The following ITGA4 variants were observed in gnomAD, a reference collection of about 807,000 sequenced individuals.
The protein encoded by ITGA4 is integrin alpha-4.
ITGA4 carries 63 observed loss-of-function variants against 133.6 expected under a neutral mutation model. The ratio of observed to expected loss-of-function variants is 0.47; its 90% CI spans 0.38 to 0.58. The LOEUF is 0.58. Ranked by LOEUF, ITGA4 falls within the 20% of genes least tolerant of loss-of-function variation. The probability of loss-of-function intolerance (pLI) is 0.00; values close to 1 mark genes in which losing one functional copy is unlikely to be tolerated. For missense variants in ITGA4, 1,076 were observed against 1,252.7 expected (o/e 0.86, Z 2.13); for synonymous variants, 483 against 438.0 (o/e 1.10, Z -1.28).
Position 181,523,389 on chromosome 2 carries a change from T to G in ITGA4, c.2074-48T>G. 1 of 1,143,596 alleles carries G rather than the reference T, an allele frequency of 8.7e-7. No individual in the cohort carries two copies. Among genetic ancestry groups the G allele is most frequent in the Middle Eastern group, 2.0e-4 (1 of 4,988 alleles). The allele number at this position is 1,143,596 out of a possible 1,614,324, so 70.8% of individuals were successfully genotyped here. ...CCATCCTTAAACATATGTTACAAAC[T>G]TTTTATTTCCTTCCTGTCCAAAACA... On this transcript the variant is annotated intron_variant, in intron 18 of 27. Coordinates refer to ENST00000397033, the MANE Select transcript of ITGA4 (RefSeq NM_000885.6). This position sits in a 1 kb window ranked among gnomAD's most constrained non-coding sequence, Gnocchi z 4.2.
intron 4 of ITGA4, 65 bp from the exon 5 acceptor site, chr2:181,478,689 TAAG>T (rs901524929): frequency 4.2e-5 from 29 of 695,736 alleles, no homozygotes; most frequent in African/African-American, 2.4e-4. Context: ...TGTAAGGATT[TAAG>T]AAACAAATTA....
At chr2:181,458,158 G>A (rs774621587) in intron 1 of ITGA4, 38 bp from the exon 2 acceptor site, 1 of 1,613,484 alleles carries the variant, frequency 6.2e-7, no homozygotes, top group East Asian at 2.2e-5. Context: ...GGGCAGCACA[G>A]CTCACGTCTG....
rs764986011 is a variant in ITGA4, at chr2:181,495,468, T to C, written c.1385+52T>C. 3.9e-6 allele frequency: 5 copies of C among 1,292,440 alleles called. No homozygotes were observed. The East Asian group carries it at 9.2e-5, about 24-fold the overall frequency. The allele number at this position is 1,292,440 out of a possible 1,614,324, so 80.1% of individuals were successfully genotyped here. On this transcript the variant is annotated intron_variant, in intron 13 of 27. Transcript: ENST00000397033. This position sits in a 1 kb window ranked among gnomAD's most constrained non-coding sequence, Gnocchi z 4.3. ...ATTGCAATTTGGTTTAATTGTAAAA[T>C]GATGGGAGGTGGTGTTTAAAATCAG... is the stretch of plus-strand genomic sequence containing the variant.
chr2:181,508,759 G>A (rs1382872922), intron 15 of ITGA4, among the ~76,000 whole-genome samples: 6 of 151,720 alleles, frequency 4.0e-5, no homozygotes, highest in Non-Finnish European at 4.4e-5. Flanking sequence ...TCAGTGAAGC[G>A]ACCAGTGTAT....
At chr2:181,532,072 C>T (rs1180330476) in intron 25 of ITGA4, among the ~76,000 whole-genome samples, 4 of 152,074 alleles carry the variant, frequency 2.6e-5, no homozygotes, top group African/African-American at 4.8e-5. Context: ...GCCAGGAGTT[C>T]GAGACCAGTT....
chr2:181,464,774 T>G (rs577536665), intron 2 of ITGA4, among the ~76,000 whole-genome samples: 16 of 152,130 alleles, frequency 1.1e-4, no homozygotes, highest in African/African-American at 3.9e-4. Flanking sequence ...GTTCAGACAG[T>G]AACACCTGCT....
chr2:181,505,245 G>T (rs991772147), intron 15 of ITGA4, among the ~76,000 whole-genome samples: 2 of 151,958 alleles, frequency 1.3e-5, no homozygotes, highest in Admixed American at 6.6e-5. Flanking sequence ...GACACAGTAG[G>T]CCCATGAATA....
chr2:181,511,596 A>G (rs1000543951), intron 16 of ITGA4, 103 bp from the exon 17 acceptor site: 23 of 616,246 alleles, frequency 3.7e-5, no homozygotes, highest in South Asian at 3.4e-4. Context: ...TGATGTATCA[A>G]TTTTATTTTT....
chr2:181,457,842 C>A lies in ITGA4; in HGVS notation c.188C>A (p.Ala63Glu). ...TCGGTCGTGCTGCACAGCCACGGGG[C>A]GAACCGATGGTGAGTAGAGTTGGAC... is the stretch of plus-strand genomic sequence containing the variant. ...GYSVVLHSHG[A>E]NRWLLVGAPT... The change falls in exon 1 of 28, where the codon GCG becomes GAG. Residue 63 changes from alanine to glutamate, a missense_variant. Ala to Glu is a moderately radical substitution (Grantham distance 107, BLOSUM62 -1). Coordinates refer to ENST00000397033, the MANE Select transcript of ITGA4 (RefSeq NM_000885.6). The A allele has an allele frequency of 6.2e-7, 1 of 1,611,526 alleles. No homozygotes were observed. Among genetic ancestry groups the A allele is most frequent in the South Asian group, 1.1e-5 (1 of 90,760 alleles).
chr2:181,526,760 G>A (rs1686836475), intron 21 of ITGA4, among the ~76,000 whole-genome samples: 1 of 143,242 alleles, frequency 7.0e-6, no homozygotes, highest in African/African-American at 2.5e-5. Context: ...TAGTGTCATG[G>A]AAAGCAAGAA....
In ITGA4 at chr2:181,488,724, AT is replaced by A. The variant is rs544447520; in HGVS notation, c.1153+2739del. Among the ~76,000 whole-genome samples, 858 of 151,760 alleles carry A rather than the reference AT, an allele frequency of 5.7e-3. 5 individuals carry two copies. The highest frequency in any genetic ancestry group is 0.02 in the African/African-American group (810 of 41,376). ...CAGGCACCCGCCACCACCCCAGCTA[AT>A]TTTTTTGTGTTTTTAGTAGAGACAG... On this transcript the variant is annotated intron_variant, in intron 10 of 27. Coordinates refer to ENST00000397033, the MANE Select transcript of ITGA4 (RefSeq NM_000885.6).
intron 17 of ITGA4, among the ~76,000 whole-genome samples, chr2:181,519,887 A>G (rs533276229): frequency 5.9e-5 from 9 of 152,090 alleles, no homozygotes; most frequent in Admixed American, 2.6e-4. Flanking sequence ...AATTTCCCCA[A>G]TTTTTTTCTG....
intron 2 of ITGA4, among the ~76,000 whole-genome samples, chr2:181,461,038 T>C (rs888310120): frequency 2.0e-5 from 3 of 151,752 alleles, no homozygotes; most frequent in Non-Finnish European, 4.4e-5. Context: ...AATATCCACA[T>C]GGACTAGTCT....
chr2:181,468,256 G>A (rs1203722693), intron 2 of ITGA4, among the ~76,000 whole-genome samples: 1 of 152,124 alleles, frequency 6.6e-6, no homozygotes, highest in African/African-American at 2.4e-5. Context: ...CAGACCATCT[G>A]TTACTGTCTT....
chr2:181,481,907 G>T (rs1314339445), intron 7 of ITGA4, among the ~76,000 whole-genome samples: 5 of 152,142 alleles, frequency 3.3e-5, no homozygotes, highest in African/African-American at 1.2e-4. Context: ...ATTGTTTTAA[G>T]AAAATTATAA....
Position 181,525,214 on chromosome 2 carries a change from G to A in ITGA4, c.2262G>A (p.Glu754=). Reference sequence around the variant, plus strand: ...TCTGTTTGTATAGTGAAAATGAAGAGGAAATGGACAATCTAAAGCACAGCA... The same window carrying A: ...TCTGTTTGTATAGTGAAAATGAAGAAGAAATGGACAATCTAAAGCACAGCA... ...ITVHATCENE[E]EMDNLKHSRV... Residue 754 remains glutamate (E), a synonymous_variant, in exon 21 of 28, where the codon GAG becomes GAA. Coordinates refer to ENST00000397033, the MANE Select transcript of ITGA4 (RefSeq NM_000885.6). 1 of 1,599,134 alleles carries A rather than the reference G, an allele frequency of 6.3e-7. No individual in the cohort carries two copies. Among genetic ancestry groups the A allele is most frequent in the Admixed American group, 1.7e-5 (1 of 59,818 alleles).
At chr2:181,506,899 C>T (rs752349678) in intron 15 of ITGA4, among the ~76,000 whole-genome samples, 3 of 152,038 alleles carry the variant, frequency 2.0e-5, no homozygotes, top group Non-Finnish European at 4.4e-5. Flanking sequence ...CTGTCAATTG[C>T]AGTGTCATGG....
At chr2:181,475,837 A>G (rs1685661733) in intron 4 of ITGA4, 3 of 1,603,956 alleles carry the variant, frequency 1.9e-6, no homozygotes, top group African/African-American at 1.3e-5. Context: ...CAGCAAGTAC[A>G]GAGCTAGGAC....
chr2:181,473,194 G>T (rs888029170), intron 2 of ITGA4, among the ~76,000 whole-genome samples: 4 of 152,218 alleles, frequency 2.6e-5, no homozygotes, highest in African/African-American at 9.6e-5. Flanking sequence ...GTAGGAACTG[G>T]GCTGCACAGC....
Sources: gnomAD v4.1 joint callset for allele counts (sites outside exome capture counted in the v4.1 genomes callset) on GRCh38, gnomAD v4.1.1 for gene constraint, Gnocchi (gnomAD v3.1) non-coding constraint, MANE v1.5 for transcripts, NCBI Gene and HGNC (gene_info 2026-07-23, HGNC 2026-07-21) for gene names.